The following AGBL4 variants were observed in gnomAD, a reference collection of about 807,000 sequenced individuals.
AGBL4 encodes the protein AGBL carboxypeptidase 4.
Under a neutral mutation model 66.4 loss-of-function variants are expected in AGBL4, and 58 were observed. The ratio of observed to expected loss-of-function variants is 0.87; its 90% CI spans 0.71 to 1.09. The LOEUF (loss-of-function observed/expected upper bound fraction) is 1.09, where lower values mean the gene tolerates loss of function less well. Ranked by LOEUF, AGBL4 falls within the 50% of genes least tolerant of loss-of-function variation. AGBL4 has a pLI of 0.00. For missense variants in AGBL4, 579 were observed against 631.0 expected, an observed-to-expected ratio of 0.92 and a Z score of 0.88; for synonymous variants, 234 against 222.9, an observed-to-expected ratio of 1.05 and a Z score of -0.44.
At chr1:49,826,771 G>A (rs1448750528) in intron 2 of AGBL4, among the ~76,000 whole-genome samples, 1 of 152,130 alleles carries the variant, frequency 6.6e-6, no homozygotes, top group Non-Finnish European at 1.5e-5. Context: ...CACCTATTAA[G>A]AGCTAGCCAT....
At chr1:49,972,498 T>C (rs1347641281) in intron 1 of AGBL4, among the ~76,000 whole-genome samples, 2 of 152,176 alleles carry the variant, frequency 1.3e-5, no homozygotes, top group African/African-American at 4.8e-5. Context: ...GCAAAAGAAA[T>C]GATTTCATTA....
intron 6 of AGBL4, among the ~76,000 whole-genome samples, chr1:48,676,009 G>GA (rs1412148059): frequency 6.6e-6 from 1 of 152,096 alleles, no homozygotes; most frequent in African/African-American, 2.4e-5. Context: ...TGTGCTCCTC[G>GA]AAAAAACTCC....
intron 3 of AGBL4, among the ~76,000 whole-genome samples, chr1:49,514,667 T>A (rs548386146): frequency 6.6e-6 from 1 of 152,184 alleles, no homozygotes; most frequent in South Asian, 2.1e-4. Flanking sequence ...CAAAACAGCA[T>A]GGTACTGGTA....
At chr1:49,822,310 C>CGTGTGTGTGTGTGTGTGTGTGT (rs143957066) in intron 2 of AGBL4, among the ~76,000 whole-genome samples, 1 of 145,796 alleles carries the variant, frequency 6.9e-6, no homozygotes, top group East Asian at 2.0e-4. Context: ...CTTCTTTCTT[C>CGTGTGTGTGTGTGTGTGTGTGT]GTGTGTGTGT....
At chr1:49,694,085 T>C (rs1646938369) in intron 3 of AGBL4, among the ~76,000 whole-genome samples, 1 of 152,158 alleles carries the variant, frequency 6.6e-6, no homozygotes, top group South Asian at 2.1e-4. Context: ...TACAATATAT[T>C]TGATGCTGCA....
intron 4 of AGBL4, among the ~76,000 whole-genome samples, chr1:49,191,840 A>G (rs2356333): frequency 0.011 from 1,664 of 152,140 alleles, 26 homozygotes; most frequent in African/African-American, 0.038. Flanking sequence ...TATGTATCAC[A>G]TTTTCTTTAT....
At chr1:48,617,863 C>T (rs1416457097) in intron 9 of AGBL4, among the ~76,000 whole-genome samples, 1 of 152,128 alleles carries the variant, frequency 6.6e-6, no homozygotes, top group African/African-American at 2.4e-5. Flanking sequence ...TGAGAGGGGA[C>T]CCGAGTCCAG....
chr1:49,799,101 T>A (rs558830828), intron 2 of AGBL4, among the ~76,000 whole-genome samples: 1 of 152,272 alleles, frequency 6.6e-6, no homozygotes, highest in African/African-American at 2.4e-5. Flanking sequence ...TAAAATGAAT[T>A]ACTATATTAG....
chr1:49,023,462 G>T (rs1475553965), intron 5 of AGBL4, among the ~76,000 whole-genome samples: 1 of 152,180 alleles, frequency 6.6e-6, no homozygotes, highest in East Asian at 1.9e-4. Context: ...ATAGGCCCAA[G>T]AGTAAGTTGG....
chr1:48,882,335 T>C (rs1297686354), intron 5 of AGBL4, among the ~76,000 whole-genome samples: 1 of 152,234 alleles, frequency 6.6e-6, no homozygotes, highest in African/African-American at 2.4e-5. Context: ...CTCCATGTCT[T>C]CTTTTAAAAC....
chr1:48,787,770 T>G (rs1481658943), intron 6 of AGBL4, among the ~76,000 whole-genome samples: 1 of 152,158 alleles, frequency 6.6e-6, no homozygotes, highest in Non-Finnish European at 1.5e-5. Context: ...GCGAGGCATT[T>G]TTTTGCTAAC....
chr1:49,622,628 CAAAAAAAAA>C (rs71059557), intron 3 of AGBL4, among the ~76,000 whole-genome samples: 67 of 65,496 alleles, frequency 1.0e-3, no homozygotes, highest in Admixed American at 2.8e-3. Flanking sequence ...GACTCCGTCT[CAAAAAAAAA>C]AAAAAAAAAA....
chr1:48,833,966 T>A (rs1646617724), intron 6 of AGBL4, among the ~76,000 whole-genome samples: 1 of 152,124 alleles, frequency 6.6e-6, no homozygotes, highest in Non-Finnish European at 1.5e-5. Flanking sequence ...TGTTGACAGA[T>A]CAGAATGCCC....
At chr1:48,929,591 A>G (rs1232024891) in intron 5 of AGBL4, among the ~76,000 whole-genome samples, 3 of 152,182 alleles carry the variant, frequency 2.0e-5, no homozygotes, top group African/African-American at 7.2e-5. Context: ...ATATTCAATT[A>G]ATGCCTATCT....
intron 6 of AGBL4, among the ~76,000 whole-genome samples, chr1:48,691,816 T>C (rs984376924): frequency 6.6e-6 from 1 of 152,100 alleles, no homozygotes; most frequent in Non-Finnish European, 1.5e-5. Flanking sequence ...CCTCTCAGAA[T>C]ACCAGCTCTG....
At chr1:48,774,709 G>A (rs569210853) in intron 6 of AGBL4, among the ~76,000 whole-genome samples, 1 of 152,298 alleles carries the variant, frequency 6.6e-6, no homozygotes, top group South Asian at 2.1e-4. Flanking sequence ...TGCTTCTGAG[G>A]ACTTGTGTCG....
chr1:49,772,997 G>A (rs536578083), intron 2 of AGBL4, among the ~76,000 whole-genome samples: 2 of 152,068 alleles, frequency 1.3e-5, no homozygotes, highest in South Asian at 2.1e-4. Flanking sequence ...ACTTAATAGC[G>A]TCTCATAAGT....
At chr1:48,872,758 C>T (rs534499747) in intron 5 of AGBL4, among the ~76,000 whole-genome samples, 1 of 152,266 alleles carries the variant, frequency 6.6e-6, no homozygotes, top group South Asian at 2.1e-4. Flanking sequence ...ATTCTATAAC[C>T]TCTGAGCTCT....
In AGBL4 at chr1:49,435,214, T is replaced by C. The variant is rs181930552; in HGVS notation, c.283-189350A>G. 2.8e-4 allele frequency among the ~76,000 whole-genome samples: 43 copies of C among 152,314 alleles called. 1 individual carries two copies. The highest frequency in any genetic ancestry group is 1.0e-3 in the African/African-American group (42 of 41,574). ...TATGCTCCATGGTACCAGAATTACG[T>C]CTGATTGTTCATCAAATCAGTGCTT... On this transcript the variant is annotated intron_variant, in intron 3 of 13. Coordinates refer to ENST00000371839, the MANE Select transcript of AGBL4 (RefSeq NM_032785.4).
Sources: allele counts gnomAD v4.1 joint callset (sites outside exome capture counted in the v4.1 genomes callset), GRCh38; gene constraint gnomAD v4.1.1; transcripts MANE v1.5; gene names NCBI Gene and HGNC (gene_info 2026-07-23, HGNC 2026-07-21).